Variants in PDE4D observed in about 807,000 individuals in gnomAD.
The protein encoded by PDE4D is phosphodiesterase 4D, also known as 3',5'-cyclic-AMP phosphodiesterase 4D.
A neutral mutation model predicts 87.4 loss-of-function variants in PDE4D; 24 were observed. The observed-to-expected ratio is 0.27, with a 90% CI of 0.20 to 0.39. PDE4D has a LOEUF of 0.39. Ranked by LOEUF, PDE4D falls within the 10% of genes least tolerant of loss-of-function variation. The pLI is 1.00. For missense variants in PDE4D, 714 were observed against 1,041.0 expected (o/e 0.69, Z 4.32); for synonymous variants, 384 against 383.2 (o/e 1.00, Z -0.02).
chr5:59,602,084 G>C (rs999794160), intron 1 of PDE4D, among the ~76,000 whole-genome samples: 1 of 152,084 alleles, frequency 6.6e-6, no homozygotes, highest in South Asian at 2.1e-4. Flanking sequence ...GATCAAGTGG[G>C]ATTCATCCTA....
chr5:59,161,084 G>A (rs1292414437), intron 5 of PDE4D, among the ~76,000 whole-genome samples: 2 of 152,136 alleles, frequency 1.3e-5, no homozygotes, highest in Admixed American at 6.5e-5. Context: ...AACAGAGAGA[G>A]ACTCCGTCCC....
intron 1 of PDE4D, among the ~76,000 whole-genome samples, chr5:59,670,351 C>CA (rs1171707024): frequency 6.6e-6 from 1 of 152,088 alleles, no homozygotes; most frequent in Non-Finnish European, 1.5e-5. Flanking sequence ...ATCCAAAATG[C>CA]AAAATGTTCC....
intron 1 of PDE4D, among the ~76,000 whole-genome samples, chr5:59,658,943 C>T (rs1307968695): frequency 6.6e-6 from 1 of 152,048 alleles, no homozygotes; most frequent in Admixed American, 6.6e-5. Context: ...TTTGAGGGTA[C>T]GGTGAGCTAT....
chr5:59,502,267 C>T (rs912607432), intron 1 of PDE4D, among the ~76,000 whole-genome samples: 4 of 152,052 alleles, frequency 2.6e-5, no homozygotes, highest in African/African-American at 4.8e-5. Context: ...GCAGATGTTC[C>T]ATTAACAGAT....
At chr5:59,730,249 C>A (rs187962900) in intron 1 of PDE4D, among the ~76,000 whole-genome samples, 2 of 152,014 alleles carry the variant, frequency 1.3e-5, no homozygotes, top group Non-Finnish European at 2.9e-5. Flanking sequence ...AAGGGAGAAG[C>A]AGGTATGGAG....
chr5:59,373,631 C>T (rs961969236), intron 1 of PDE4D, among the ~76,000 whole-genome samples: 2 of 152,164 alleles, frequency 1.3e-5, no homozygotes, highest in East Asian at 3.9e-4. Flanking sequence ...TCCATGAGAA[C>T]TTCCCTAACC....
intron 5 of PDE4D, among the ~76,000 whole-genome samples, chr5:59,171,575 C>T (rs1267364967): frequency 1.3e-5 from 2 of 151,890 alleles, no homozygotes; most frequent in Non-Finnish European, 2.9e-5. Flanking sequence ...TCCTATACAC[C>T]TTTAACTCAA....
At chr5:59,621,996 G>A (rs1262415935) in intron 1 of PDE4D, among the ~76,000 whole-genome samples, 1 of 152,094 alleles carries the variant, frequency 6.6e-6, no homozygotes, top group African/African-American at 2.4e-5. Flanking sequence ...TATGTCATCT[G>A]ATCTTTAAAA....
At chr5:59,021,301 G>A (rs1381509156) in intron 6 of PDE4D, among the ~76,000 whole-genome samples, 1 of 152,144 alleles carries the variant, frequency 6.6e-6, no homozygotes, top group Non-Finnish European at 1.5e-5. Context: ...AGAGTGCTGG[G>A]TAACTGAGCT....
At chr5:60,177,360 A>G (rs1224308602) in intron 2 of PDE4D, among the ~76,000 whole-genome samples, 2 of 152,206 alleles carry the variant, frequency 1.3e-5, no homozygotes, top group East Asian at 3.8e-4. Flanking sequence ...AAGCACAACC[A>G]TTCAAAATAT....
intron 2 of PDE4D, among the ~76,000 whole-genome samples, chr5:60,031,913 G>A (rs1767285253): frequency 6.6e-6 from 1 of 152,160 alleles, no homozygotes; most frequent in Admixed American, 6.5e-5. Context: ...TGTCAGTGAA[G>A]TTGAAGCAAA....
intron 2 of PDE4D, among the ~76,000 whole-genome samples, chr5:60,000,749 TA>T (rs1186547206): frequency 6.6e-6 from 1 of 152,144 alleles, no homozygotes; most frequent in African/African-American, 2.4e-5. Context: ...ATGCAAAATA[TA>T]AAAAGCTGTA....
At chr5:60,374,891 A>G (rs1276378011) in intron 1 of PDE4D, among the ~76,000 whole-genome samples, 1 of 152,176 alleles carries the variant, frequency 6.6e-6, no homozygotes, top group Non-Finnish European at 1.5e-5. Flanking sequence ...ATGTATACGT[A>G]TATTTTTTTT....
At chr5:59,815,752 G>GA (rs1372718940) in intron 1 of PDE4D, among the ~76,000 whole-genome samples, 11 of 152,198 alleles carry the variant, frequency 7.2e-5, no homozygotes, top group African/African-American at 2.4e-4. Flanking sequence ...GGACCTGCTG[G>GA]AAAAGTGGTC....
chr5:59,185,343 C>A (rs2153480532), intron 3 of PDE4D, 81 bp from the exon 4 acceptor site: 1 of 924,312 alleles, frequency 1.1e-6, no homozygotes, highest in East Asian at 2.5e-5. Context: ...TAAGAGAAAA[C>A]TTGATATTGC....
chr5:59,736,328 C>T (rs1156927534), intron 1 of PDE4D, among the ~76,000 whole-genome samples: 1 of 152,016 alleles, frequency 6.6e-6, no homozygotes, highest in East Asian at 1.9e-4. Context: ...TTCAATACAG[C>T]TAAAATAACA....
intron 1 of PDE4D, among the ~76,000 whole-genome samples, chr5:59,684,390 C>T (rs1304048218): frequency 6.6e-6 from 1 of 152,010 alleles, no homozygotes; most frequent in South Asian, 2.1e-4. Flanking sequence ...ATGCAGCTCT[C>T]GATACCATTT....
At chr5:60,129,764 G>A (rs536796017) in intron 2 of PDE4D, among the ~76,000 whole-genome samples, 45 of 152,192 alleles carry the variant, frequency 3.0e-4, no homozygotes, top group Non-Finnish European at 5.9e-4. Context: ...CTCTATTGAA[G>A]TATAAGATCT....
At chr5:59,840,498 T>C (rs1425833168) in intron 1 of PDE4D, among the ~76,000 whole-genome samples, 1 of 151,964 alleles carries the variant, frequency 6.6e-6, no homozygotes, top group African/African-American at 2.4e-5. Context: ...ATCTGTTCAA[T>C]GAATCATAAG....
Sources: gnomAD v4.1 joint callset for allele counts (sites outside exome capture counted in the v4.1 genomes callset) on GRCh38, gnomAD v4.1.1 for gene constraint, MANE v1.5 for transcripts, NCBI Gene and HGNC (gene_info 2026-07-23, HGNC 2026-07-21) for gene names.